The following RFPL1 variants were observed in gnomAD, a reference collection of about 807,000 sequenced individuals.
RFPL1 encodes the protein ret finger protein-like 1.
A neutral mutation model predicts 9.6 loss-of-function variants in RFPL1; 6 were observed. The ratio of observed to expected loss-of-function variants is 0.62; its 90% CI spans 0.34 to 1.23. The LOEUF is 1.23. RFPL1 is among the 50% of genes most tolerant of loss of function. The pLI, the probability that RFPL1 is intolerant of heterozygous loss-of-function variation, is 0.03. For missense variants in RFPL1, 352 were observed against 398.4 expected, an observed-to-expected ratio of 0.88 and a Z score of 0.99; for synonymous variants, 145 against 149.4, an observed-to-expected ratio of 0.97 and a Z score of 0.22.
At chr22:29,441,408 G>A in intron 1 of RFPL1, 134 bp from the exon 2 acceptor site, 1 of 1,101,544 alleles carries the variant, frequency 9.1e-7, no homozygotes, top group East Asian at 2.5e-5. Flanking sequence ...GTTGCCTCAT[G>A]AAAAGTTTTG....
At chr22:29,408,943 T>C in the RFPL1 span, among the ~76,000 whole-genome samples, 2 of 148,900 alleles carry the variant, frequency 1.3e-5, no homozygotes, top group South Asian at 2.1e-4. Context: ...CATCCGGTTT[T>C]TTATTTCACC....
the RFPL1 span, among the ~76,000 whole-genome samples, chr22:29,412,663 A>T: frequency 6.6e-6 from 1 of 152,134 alleles, no homozygotes; most frequent in Non-Finnish European, 1.5e-5. Flanking sequence ...CCTGGGGAAG[A>T]CACATTAGGC....
chr22:29,423,016 A>T, the RFPL1 span: 2 of 569,606 alleles, frequency 3.5e-6, no homozygotes, highest in East Asian at 2.7e-5. Context: ...TTCCTGCCAC[A>T]TGTTTCCAGG....
the RFPL1 span, among the ~76,000 whole-genome samples, chr22:29,405,005 C>T: frequency 6.6e-6 from 1 of 152,232 alleles, no homozygotes; most frequent in South Asian, 2.1e-4. Flanking sequence ...GTCAGGATTA[C>T]AGCCATGTGC....
chr22:29,437,146 A>G (rs2062812347), upstream of RFPL1: 1 of 158,874 alleles, frequency 6.3e-6, no homozygotes, highest in Non-Finnish European at 1.4e-5. Context: ...TCATTTGTCA[A>G]AATAGTAATT....
upstream of RFPL1, chr22:29,437,669 C>T (rs554523541): frequency 1.4e-5 from 22 of 1,589,860 alleles, 1 homozygote; most frequent in South Asian, 1.4e-4. Flanking sequence ...GTGCCCCTTC[C>T]GCACAAGACC....
chr22:29,411,757 A>C, the RFPL1 span, among the ~76,000 whole-genome samples: 3 of 152,256 alleles, frequency 2.0e-5, no homozygotes, highest in African/African-American at 4.8e-5. Context: ...CCTCCAGCCC[A>C]GTCTGAGTGG....
chr22:29,423,421 G>T, the RFPL1 span, among the ~76,000 whole-genome samples: 4 of 149,488 alleles, frequency 2.7e-5, no homozygotes, highest in Non-Finnish European at 1.5e-5. Flanking sequence ...TCACCATGTT[G>T]CCCAGGCTGG....
At chr22:29,429,700 T>C in the RFPL1 span, among the ~76,000 whole-genome samples, 1 of 152,198 alleles carries the variant, frequency 6.6e-6, no homozygotes, top group Admixed American at 6.5e-5. Context: ...TGGCCTTACT[T>C]GTAAATGATA....
intron 1 of RFPL1, chr22:29,439,830 T>C (rs2062829464): frequency 6.6e-6 from 1 of 152,356 alleles, no homozygotes; most frequent in Non-Finnish European, 1.5e-5. Context: ...CTAGCAAAGG[T>C]TCCCAGGACT....
chr22:29,420,644 T>G, the RFPL1 span, among the ~76,000 whole-genome samples: 6 of 134,894 alleles, frequency 4.4e-5, no homozygotes, highest in African/African-American at 1.4e-4. Flanking sequence ...CTTTTTTTTT[T>G]TTTTTTTTTT....
the RFPL1 span, among the ~76,000 whole-genome samples, chr22:29,426,922 G>A: frequency 6.6e-6 from 1 of 152,206 alleles, no homozygotes; most frequent in Non-Finnish European, 1.5e-5. Flanking sequence ...GTTCTACCCA[G>A]CAGGGCCATT....
At chr22:29,408,652 C>T in the RFPL1 span, among the ~76,000 whole-genome samples, 1 of 152,166 alleles carries the variant, frequency 6.6e-6, no homozygotes, top group African/African-American at 2.4e-5. Context: ...TCATTTTTGA[C>T]TGCCATCATG....
the RFPL1 span, among the ~76,000 whole-genome samples, chr22:29,389,794 G>GTTTTTTT: frequency 6.7e-6 from 1 of 150,218 alleles, no homozygotes; most frequent in African/African-American, 2.4e-5. Context: ...TAGATCATTT[G>GTTTTTTT]TTTTTTTTTG....
At chr22:29,427,295 C>T in the RFPL1 span, among the ~76,000 whole-genome samples, 10 of 152,168 alleles carry the variant, frequency 6.6e-5, no homozygotes, top group South Asian at 2.1e-3. Context: ...TGACCTCAGG[C>T]TGTAGGGGCA....
At chr22:29,426,718 G>A in the RFPL1 span, among the ~76,000 whole-genome samples, 17 of 152,108 alleles carry the variant, frequency 1.1e-4, no homozygotes, top group Admixed American at 1.3e-4. Flanking sequence ...ATTGCACTCC[G>A]GCCAGGGTGA....
intron 1 of RFPL1, chr22:29,440,468 TG>T (rs1477715589): frequency 1.3e-5 from 2 of 152,258 alleles, no homozygotes; most frequent in Non-Finnish European, 2.9e-5. Context: ...CCATGAGAAT[TG>T]GCAGCTTCAC....
chr22:29,429,461 A>G, the RFPL1 span, among the ~76,000 whole-genome samples: 3 of 152,356 alleles, frequency 2.0e-5, no homozygotes, highest in East Asian at 5.8e-4. Context: ...AGAAATCAGA[A>G]ATGAAAAAGG....
At chr22:29,416,386 G>T in the RFPL1 span, among the ~76,000 whole-genome samples, 1 of 152,104 alleles carries the variant, frequency 6.6e-6, no homozygotes, top group Non-Finnish European at 1.5e-5. Context: ...GGGGTCCTAG[G>T]GAGTAGTTTT....
Sources: allele counts gnomAD v4.1 joint callset (sites outside exome capture counted in the v4.1 genomes callset), GRCh38; gene constraint gnomAD v4.1.1; transcripts MANE v1.5; gene names NCBI Gene and HGNC (gene_info 2026-07-23, HGNC 2026-07-21).